The following ARNT2 variants were observed in gnomAD, a reference collection of about 807,000 sequenced individuals.
ARNT2 encodes the protein aryl hydrocarbon receptor nuclear translocator 2.
In ARNT2, 36 loss-of-function variants were observed where a neutral mutation model predicts 91.7. That is an observed-to-expected ratio of 0.39 (90% CI 0.30 to 0.52). The LOEUF is 0.52. ARNT2 is among the 20% of genes least tolerant of loss of function. The pLI is 0.72. For synonymous variants in ARNT2, 365 were observed against 347.1 expected, an observed-to-expected ratio of 1.05 and a Z score of -0.57; for missense variants, 775 against 939.3, an observed-to-expected ratio of 0.83 and a Z score of 2.29.
chr15:80,449,681 A>T (rs1896358720), intron 1 of ARNT2, among the ~76,000 whole-genome samples: 1 of 152,240 alleles, frequency 6.6e-6, no homozygotes, highest in Non-Finnish European at 1.5e-5. Flanking sequence ...TGAGTGGGAT[A>T]GTTCAAGTTG....
At chr15:80,570,680 G>C (rs933387392) in intron 12 of ARNT2, among the ~76,000 whole-genome samples, 1 of 152,124 alleles carries the variant, frequency 6.6e-6, no homozygotes, top group Non-Finnish European at 1.5e-5. Flanking sequence ...ACCGACATTA[G>C]GAGGCAGACT....
At chr15:80,584,126 GA>G (rs1157413045) in intron 17 of ARNT2, among the ~76,000 whole-genome samples, 3 of 152,208 alleles carry the variant, frequency 2.0e-5, no homozygotes, top group Admixed American at 2.0e-4. Context: ...AGGAGAGCAG[GA>G]AGGGAGGCAC....
chr15:80,565,109 G>T (rs1422857415), intron 12 of ARNT2, among the ~76,000 whole-genome samples: 1 of 152,056 alleles, frequency 6.6e-6, no homozygotes, highest in African/African-American at 2.4e-5. Flanking sequence ...ATTTTTAGCA[G>T]AGATGGGGTT....
At chr15:80,468,226 A>C (rs933477692) in intron 3 of ARNT2, among the ~76,000 whole-genome samples, 3 of 151,614 alleles carry the variant, frequency 2.0e-5, no homozygotes. Context: ...GGTGGGAGAG[A>C]GCACCAGGCC....
intron 2 of ARNT2, among the ~76,000 whole-genome samples, chr15:80,457,050 T>G (rs1393126691): frequency 6.6e-6 from 1 of 152,240 alleles, no homozygotes; most frequent in Non-Finnish European, 1.5e-5. Context: ...ATTTTTCATT[T>G]TGTTTCCCCA....
At chr15:80,472,339 G>T (rs932868429) in intron 4 of ARNT2, among the ~76,000 whole-genome samples, 1 of 152,162 alleles carries the variant, frequency 6.6e-6, no homozygotes, top group East Asian at 1.9e-4. Context: ...AGAAAGAGGG[G>T]AGCAGAAGGG....
chr15:80,415,203 G>A (rs112296060), intron 1 of ARNT2, among the ~76,000 whole-genome samples: 6 of 152,330 alleles, frequency 3.9e-5, no homozygotes, highest in Admixed American at 2.6e-4. Flanking sequence ...AAAGCCCACC[G>A]CTCCCACATA....
intron 5 of ARNT2, among the ~76,000 whole-genome samples, chr15:80,495,774 G>A (rs1897118132): frequency 6.6e-6 from 1 of 152,198 alleles, no homozygotes; most frequent in African/African-American, 2.4e-5. Context: ...CAGCCAAACA[G>A]GACTTTGTAC....
chr15:80,461,886 G>C (rs951223502), intron 3 of ARNT2, among the ~76,000 whole-genome samples: 1 of 152,206 alleles, frequency 6.6e-6, no homozygotes, highest in Non-Finnish European at 1.5e-5. Flanking sequence ...TGGAATTCCA[G>C]TTATCAAGTC....
intron 6 of ARNT2, among the ~76,000 whole-genome samples, chr15:80,510,552 C>T (rs533128652): frequency 6.6e-5 from 10 of 152,172 alleles, no homozygotes; most frequent in Admixed American, 2.6e-4. Context: ...CAAAAAGGGC[C>T]GGGTGAGGTG....
At chr15:80,578,303 C>T (rs1406607909) in intron 15 of ARNT2, among the ~76,000 whole-genome samples, 1 of 152,134 alleles carries the variant, frequency 6.6e-6, no homozygotes, top group Non-Finnish European at 1.5e-5. Flanking sequence ...CAGGTTCTGC[C>T]TCCTGACCAG....
intron 1 of ARNT2, among the ~76,000 whole-genome samples, chr15:80,445,803 G>C (rs1896291458): frequency 6.6e-6 from 1 of 152,034 alleles, no homozygotes; most frequent in South Asian, 2.1e-4. Flanking sequence ...GGGGTTTGCA[G>C]CTCCTCCTTC....
chr15:80,476,781 T>G (rs1220521142), intron 5 of ARNT2, among the ~76,000 whole-genome samples: 1 of 152,250 alleles, frequency 6.6e-6, no homozygotes, highest in Admixed American at 6.5e-5. Context: ...CCATTTGGGC[T>G]GCTATAACAA....
At chr15:80,545,329 G>T (rs1198303857) in intron 8 of ARNT2, among the ~76,000 whole-genome samples, 1 of 152,164 alleles carries the variant, frequency 6.6e-6, no homozygotes, top group African/African-American at 2.4e-5. Context: ...AATTCCTGAG[G>T]GGCAAGAAAC....
Position 80,502,844 on chromosome 15 carries a change from G to A in ARNT2, c.623-5312G>A, listed in dbSNP as rs545897721. On this transcript the variant is annotated intron_variant, in intron 5 of 18. Transcript: ENST00000303329. Reference sequence around the variant, plus strand: ...GCAGGGGGCTTGGATCAAGGGTGAAGAGTACACATAGGAGAGGTGACCAGG... The same window carrying A: ...GCAGGGGGCTTGGATCAAGGGTGAAAAGTACACATAGGAGAGGTGACCAGG... 5.3e-5 allele frequency among the ~76,000 whole-genome samples: 8 copies of A among 152,288 alleles called. No individual in the cohort carries two copies. In the East Asian group the frequency reaches 1.5e-3, roughly 29 times the overall value.
chr15:80,417,531 CCCT>C (rs1895804274), intron 1 of ARNT2, among the ~76,000 whole-genome samples: 1 of 144,424 alleles, frequency 6.9e-6, no homozygotes, highest in South Asian at 2.4e-4. Context: ...TTCTTCTCCT[CCCT>C]CCTCCTTCTC....
At chr15:80,455,431 C>T (rs1896468015) in intron 2 of ARNT2, among the ~76,000 whole-genome samples, 1 of 152,116 alleles carries the variant, frequency 6.6e-6, no homozygotes, top group African/African-American at 2.4e-5. Context: ...CTTCAGAAGA[C>T]TCTGGCTCTG....
intron 16 of ARNT2, 80 bp downstream of exon 16, chr15:80,580,629 G>A (rs887973658): frequency 6.3e-7 from 1 of 1,581,256 alleles, no homozygotes; most frequent in East Asian, 2.3e-5. Flanking sequence ...TTGGATTGCG[G>A]TTCTGAGGAT....
intron 3 of ARNT2, among the ~76,000 whole-genome samples, chr15:80,469,181 T>C (rs963400854): frequency 6.6e-6 from 1 of 152,198 alleles, no homozygotes; most frequent in Non-Finnish European, 1.5e-5. Context: ...TGGCTGTGAC[T>C]CCTTCAAGCC....
Sources: gnomAD v4.1 joint callset for allele counts (sites outside exome capture counted in the v4.1 genomes callset) on GRCh38, gnomAD v4.1.1 for gene constraint, MANE v1.5 for transcripts, NCBI Gene and HGNC (gene_info 2026-07-23, HGNC 2026-07-21) for gene names.